The following VPS13B variants were observed in gnomAD, a reference collection of about 807,000 sequenced individuals.
The protein encoded by VPS13B is vacuolar protein sorting 13 homolog B.
In VPS13B, 285 loss-of-function variants were observed where a neutral mutation model predicts 426.4. That is an observed-to-expected ratio of 0.67 (90% CI 0.61 to 0.74). The LOEUF (loss-of-function observed/expected upper bound fraction) is 0.74. VPS13B is among the 30% of genes least tolerant of loss of function. The pLI is 0.00. For missense variants in VPS13B, 4,537 were observed against 4,782.6 expected, an observed-to-expected ratio of 0.95 and a Z score of 1.51; for synonymous variants, 1,676 against 1,676.4, an observed-to-expected ratio of 1.00 and a Z score of 0.01.
At chr8:99,337,113 G>C (rs7386198) in intron 19 of VPS13B, among the ~76,000 whole-genome samples, 6,131 of 151,232 alleles carry the variant, frequency 0.041, 153 homozygotes, top group South Asian at 0.096. Context: ...GGAACCAACC[G>C]AAATGTCCAA....
intron 17 of VPS13B, among the ~76,000 whole-genome samples, chr8:99,263,510 C>G (rs920920511): frequency 1.3e-5 from 2 of 152,238 alleles, no homozygotes; most frequent in South Asian, 2.1e-4. Flanking sequence ...TTTACAGGCT[C>G]TAAGATAAAA....
At chr8:99,618,292 A>G (rs1026238962) in intron 33 of VPS13B, among the ~76,000 whole-genome samples, 2 of 152,094 alleles carry the variant, frequency 1.3e-5, no homozygotes, top group Admixed American at 6.6e-5. Flanking sequence ...CAAAAAAAAA[A>G]AAAAAAAAAT....
At chr8:99,227,918 C>T (rs987194174) in intron 17 of VPS13B, among the ~76,000 whole-genome samples, 2 of 152,060 alleles carry the variant, frequency 1.3e-5, no homozygotes, top group Admixed American at 1.3e-4. Flanking sequence ...TGCTGCTGAC[C>T]CAGACTCTGG....
intron 19 of VPS13B, among the ~76,000 whole-genome samples, chr8:99,366,732 T>C (rs1588297705): frequency 6.6e-6 from 1 of 152,078 alleles, no homozygotes; most frequent in East Asian, 1.9e-4. Context: ...ATTTAATTTC[T>C]TGCTTTTATT....
intron 25 of VPS13B, among the ~76,000 whole-genome samples, chr8:99,484,453 A>G (rs916331202): frequency 6.6e-6 from 1 of 152,154 alleles, no homozygotes; most frequent in African/African-American, 2.4e-5. Flanking sequence ...GGTGATTACT[A>G]CTAGTCCAAT....
At chr8:99,185,151 T>C (rs1813152308) in intron 16 of VPS13B, among the ~76,000 whole-genome samples, 1 of 152,234 alleles carries the variant, frequency 6.6e-6, no homozygotes, top group Non-Finnish European at 1.5e-5. Context: ...CTCTAAGATA[T>C]GTTGTTTACT....
intron 2 of VPS13B, among the ~76,000 whole-genome samples, chr8:99,018,275 A>C (rs1043610686): frequency 1.6e-4 from 25 of 152,176 alleles, no homozygotes; most frequent in Non-Finnish European, 2.9e-4. Flanking sequence ...AATCCCAGCT[A>C]CTTGGGACGC....
intron 19 of VPS13B, among the ~76,000 whole-genome samples, chr8:99,313,689 C>T (rs1040740456): frequency 6.6e-6 from 1 of 152,150 alleles, no homozygotes; most frequent in African/African-American, 2.4e-5. Context: ...CTACTCACTT[C>T]AAACCTGTCA....
Position 99,352,265 on chromosome 8 carries a change from G to A in VPS13B, c.2825-31943G>A, listed in dbSNP as rs180983920. 3.6e-4 allele frequency among the ~76,000 whole-genome samples: 55 copies of A among 152,262 alleles called. No individual in the cohort carries two copies. The East Asian group carries it at 0.01, about 28-fold the overall frequency. On this transcript the variant is annotated intron_variant, in intron 19 of 61. Transcript: ENST00000357162. The stretch of plus-strand genomic sequence containing the variant: ...GATTTTGTTTCCAATAATTTCTAAT[G>A]TATAGAGCCCTATTAACTCCTATTA...
chr8:99,751,711 A>G (rs1465296465), intron 39 of VPS13B, among the ~76,000 whole-genome samples: 2 of 152,206 alleles, frequency 1.3e-5, no homozygotes, highest in African/African-American at 4.8e-5. Context: ...AATCACTTTC[A>G]ATAAAGTACA....
At chr8:99,435,135 G>A (rs542480435) in intron 22 of VPS13B, among the ~76,000 whole-genome samples, 1 of 152,068 alleles carries the variant, frequency 6.6e-6, no homozygotes, top group Non-Finnish European at 1.5e-5. Context: ...TGTACTTCCT[G>A]GTTTGTGATG....
In VPS13B at chr8:99,875,838, A is replaced by G; in HGVS notation, c.*172A>G. On this transcript the variant is annotated 3_prime_UTR_variant, in exon 62 of 62. Coordinates refer to ENST00000357162, the MANE Select transcript of VPS13B (RefSeq NM_152564.5). The stretch of plus-strand genomic sequence containing the variant: ...AGCACCTGCCACCATAAAGGGCTGC[A>G]TTTTGCCACCATAAAGGGCTGCATT... 2.5e-6 allele frequency: 2 copies of G among 809,732 alleles called. No individual in the cohort carries two copies. The highest frequency in any genetic ancestry group is 3.4e-5 in the South Asian group (2 of 59,110). The allele number at this position is 809,732 out of a possible 1,614,324, so 50.2% of individuals were successfully genotyped here.
At chr8:99,108,635 ATG>A (rs749103599) in intron 5 of VPS13B, among the ~76,000 whole-genome samples, 20 of 152,008 alleles carry the variant, frequency 1.3e-4, no homozygotes, top group Non-Finnish European at 2.8e-4. Flanking sequence ...CCATTGGGCT[ATG>A]TGTCTTTTTT....
At chr8:99,475,044 C>A (rs936449512) in intron 24 of VPS13B, among the ~76,000 whole-genome samples, 4 of 152,086 alleles carry the variant, frequency 2.6e-5, no homozygotes, top group African/African-American at 7.2e-5. Context: ...AATGCAAAAT[C>A]ATTGACGAAT....
At chr8:99,062,328 A>G (rs1234894082) in intron 3 of VPS13B, among the ~76,000 whole-genome samples, 1 of 152,208 alleles carries the variant, frequency 6.6e-6, no homozygotes, top group Non-Finnish European at 1.5e-5. Flanking sequence ...TCATACAGAG[A>G]ATTTTCATGT....
In VPS13B at chr8:99,501,755, T is replaced by A; in HGVS notation, c.3939T>A (p.Ser1313Arg). 3.7e-6 allele frequency: 6 copies of A among 1,614,060 alleles called. No homozygotes were observed. Among genetic ancestry groups the A allele is most frequent in the Non-Finnish European group, 5.1e-6 (6 of 1,180,004 alleles). The change falls in exon 26 of 62, where the codon AGT becomes AGA. Residue 1313 changes from serine (S) to arginine (R), a missense_variant. Coordinates refer to ENST00000357162, the MANE Select transcript of VPS13B (RefSeq NM_152564.5). ...CTGTGACCTTGGAACAAACTACAAG[T>A]AATATTGGAGGAACCAGTGGACGTG... ...SDSVTLEQTT[S>R]NIGGTSGRVS... is the part of the protein sequence containing the mutation.
In VPS13B at chr8:99,478,462, T is replaced by TG. The variant is rs1563752184; in HGVS notation, c.3667-3137_3667-3136insG. On this transcript the variant is annotated intron_variant, in intron 24 of 61. Coordinates refer to ENST00000357162, the MANE Select transcript of VPS13B (RefSeq NM_152564.5). ...TTTTTGTTTTGTTTTTTTTTTTTTT[T>TG]TTTGTTTTTTGTTTTTTTTTTTTTG... 8.2e-4 allele frequency among the ~76,000 whole-genome samples: 101 copies of TG among 123,532 alleles called. 1 individual carries two copies. The highest frequency in any genetic ancestry group is 2.9e-3 in the African/African-American group (90 of 30,982). 81.0% of individuals were successfully genotyped at this position (123,532 alleles called of 152,430 possible). A position where few individuals can be genotyped will look rare whatever the true frequency, so the allele number is the denominator to read the frequency against.
At position 99,556,797 on chromosome 8, in the gene VPS13B, A is replaced by T; in HGVS notation, c.4949+144A>T. The T allele has an allele frequency of 3.3e-6, 3 of 922,912 alleles. No homozygotes were observed. In the East Asian group the frequency reaches 7.9e-5, roughly 24 times the overall value. The allele number at this position is 922,912 out of a possible 1,614,324, so 57.2% of individuals were successfully genotyped here. A position where few individuals can be genotyped will look rare whatever the true frequency, so the allele number is the denominator to read the frequency against. On this transcript the variant is annotated intron_variant, in intron 31 of 61. Coordinates refer to ENST00000357162, the MANE Select transcript of VPS13B (RefSeq NM_152564.5). The stretch of plus-strand genomic sequence containing the variant: ...ATTATAAGCATAAAAAATATTTTGT[A>T]ATTGTAGCTGATGATTTGGCATGGA...
At chr8:99,381,249 G>A (rs1047409738) in intron 19 of VPS13B, among the ~76,000 whole-genome samples, 2 of 152,058 alleles carry the variant, frequency 1.3e-5, no homozygotes, top group Non-Finnish European at 2.9e-5. Context: ...TCTTTTTTAT[G>A]GCTGCATAGT....
Sources: gnomAD v4.1 joint callset for allele counts (sites outside exome capture counted in the v4.1 genomes callset) on GRCh38, gnomAD v4.1.1 for gene constraint, MANE v1.5 for transcripts, NCBI Gene and HGNC (gene_info 2026-07-23, HGNC 2026-07-21) for gene names.